The following DOCK4 variants were observed in gnomAD, a reference collection of about 807,000 sequenced individuals.
DOCK4 encodes dedicator of cytokinesis protein 4.
DOCK4 carries 97 observed loss-of-function variants against 268.1 expected under a neutral mutation model. The ratio of observed to expected loss-of-function variants is 0.36; its 90% confidence interval spans 0.31 to 0.43. The LOEUF (loss-of-function observed/expected upper bound fraction) is 0.43. Ranked by LOEUF, DOCK4 falls within the 20% of genes least tolerant of loss-of-function variation. The pLI is 1.00. For synonymous variants in DOCK4, 954 were observed against 887.2 expected (o/e 1.08, Z -1.34); for missense variants, 2,145 against 2,455.7 (o/e 0.87, Z 2.67).
chr7:111,858,538 T>A (rs1256179895), intron 23 of DOCK4, among the ~76,000 whole-genome samples: 2 of 150,632 alleles, frequency 1.3e-5, no homozygotes, highest in Non-Finnish European at 3.0e-5. Context: ...TAATGGAGAA[T>A]ATGCTCCCTC....
At chr7:111,835,664 A>G (rs1803181314) in intron 25 of DOCK4, among the ~76,000 whole-genome samples, 1 of 152,218 alleles carries the variant, frequency 6.6e-6, no homozygotes, top group African/African-American at 2.4e-5. Context: ...CTAACTGTAT[A>G]TTTACAGAAG....
chr7:111,786,821 T>C (rs1459649583), intron 32 of DOCK4, among the ~76,000 whole-genome samples: 1 of 152,256 alleles, frequency 6.6e-6, no homozygotes, highest in Non-Finnish European at 1.5e-5. Flanking sequence ...TATTGTTTCC[T>C]GAAATAAAGT....
At chr7:111,802,134 G>A (rs867549377) in intron 30 of DOCK4, among the ~76,000 whole-genome samples, 1 of 152,164 alleles carries the variant, frequency 6.6e-6, no homozygotes, top group African/African-American at 2.4e-5. Flanking sequence ...CCTTCCCTCA[G>A]TTATTTTTAT....
chr7:112,141,513 C>T (rs1462606650), intron 1 of DOCK4, among the ~76,000 whole-genome samples: 1 of 152,126 alleles, frequency 6.6e-6, no homozygotes, highest in African/African-American at 2.4e-5. Flanking sequence ...GAAGCAAACA[C>T]TGAGATTTCC....
At chr7:112,044,181 G>T (rs982164289) in intron 1 of DOCK4, among the ~76,000 whole-genome samples, 2 of 152,172 alleles carry the variant, frequency 1.3e-5, no homozygotes, top group African/African-American at 4.8e-5. Flanking sequence ...TAGGAAGTTT[G>T]TTCCAGAGTC....
intron 8 of DOCK4, among the ~76,000 whole-genome samples, chr7:111,964,089 A>C (rs1158169689): frequency 6.8e-6 from 1 of 148,118 alleles, no homozygotes; most frequent in African/African-American, 2.6e-5. Flanking sequence ...AAAGTAGATA[A>C]AACCACAAAG....
intron 8 of DOCK4, among the ~76,000 whole-genome samples, chr7:111,949,046 A>G (rs1488791287): frequency 6.6e-6 from 1 of 152,208 alleles, no homozygotes; most frequent in African/African-American, 2.4e-5. Context: ...TCTGTTTCTT[A>G]GTAATCAGTT....
At chr7:112,006,075 C>T (rs1800834826) in intron 1 of DOCK4, among the ~76,000 whole-genome samples, 1 of 152,158 alleles carries the variant, frequency 6.6e-6, no homozygotes, top group South Asian at 2.1e-4. Flanking sequence ...TGGTGTGATC[C>T]AAGTTTCATT....
chr7:112,059,201 G>A lies in DOCK4; in HGVS notation c.38-55070C>T, dbSNP rs144074236. On this transcript the variant is annotated intron_variant, in intron 1 of 52. Transcript: ENST00000428084. ...CTTGTCGCCCAGGCCAGAGTGCAGTGGCACGATCTCAGCTCACTACAACTT... is the reference window on the plus strand; with the variant it reads ...CTTGTCGCCCAGGCCAGAGTGCAGTAGCACGATCTCAGCTCACTACAACTT... Among the ~76,000 whole-genome samples the A allele has an allele frequency of 8.0e-4, 108 of 135,738 alleles. 3 individuals are homozygous for A. The East Asian group carries it at 0.017, about 22-fold the overall frequency. The allele number at this position is 135,738 out of a possible 152,430, so 89.0% of individuals were successfully genotyped here. A position where few individuals can be genotyped will look rare whatever the true frequency, so the allele number is the denominator to read the frequency against.
At chr7:112,079,604 G>A (rs973410138) in intron 1 of DOCK4, among the ~76,000 whole-genome samples, 1 of 152,174 alleles carries the variant, frequency 6.6e-6, no homozygotes, top group African/African-American at 2.4e-5. Context: ...TGTACTAAAA[G>A]AAATGGTAGA....
At chr7:111,924,267 G>GT (rs1312600190) in intron 12 of DOCK4, among the ~76,000 whole-genome samples, 1 of 152,010 alleles carries the variant, frequency 6.6e-6, no homozygotes, top group South Asian at 2.1e-4. Flanking sequence ...AGTGGGTGTT[G>GT]TTTTTTTCAC....
intron 1 of DOCK4, among the ~76,000 whole-genome samples, chr7:112,092,950 T>C (rs748859933): frequency 2.0e-5 from 3 of 152,136 alleles, no homozygotes; most frequent in African/African-American, 7.2e-5. Flanking sequence ...AATCTTTACC[T>C]GCCTAGTAAC....
intron 1 of DOCK4, among the ~76,000 whole-genome samples, chr7:112,130,737 A>C (rs1011842104): frequency 2.0e-5 from 3 of 152,248 alleles, no homozygotes; most frequent in Non-Finnish European, 2.9e-5. Context: ...GTGGGGAAAA[A>C]TAAAATGTAC....
chr7:112,087,503 A>C (rs1434838868), intron 1 of DOCK4, among the ~76,000 whole-genome samples: 3 of 152,162 alleles, frequency 2.0e-5, no homozygotes, highest in African/African-American at 7.2e-5. Context: ...AGATTCAATA[A>C]TGACAAAGCA....
intron 1 of DOCK4, among the ~76,000 whole-genome samples, chr7:112,012,730 T>A (rs1436611801): frequency 6.6e-6 from 1 of 152,212 alleles, no homozygotes; most frequent in Non-Finnish European, 1.5e-5. Flanking sequence ...TTATTTAAGA[T>A]TAAGAACTAA....
At chr7:112,153,806 T>A (rs1816329021) in intron 1 of DOCK4, among the ~76,000 whole-genome samples, 1 of 152,146 alleles carries the variant, frequency 6.6e-6, no homozygotes, top group Non-Finnish European at 1.5e-5. Flanking sequence ...CCAAGCCCAG[T>A]TATTGAATAA....
intron 49 of DOCK4, among the ~76,000 whole-genome samples, chr7:111,737,961 C>G (rs548439764): frequency 6.6e-6 from 1 of 152,344 alleles, no homozygotes; most frequent in Admixed American, 6.5e-5. Flanking sequence ...ATCACACAAT[C>G]AGCAAAGACA....
intron 8 of DOCK4, among the ~76,000 whole-genome samples, chr7:111,960,067 G>C (rs1178105032): frequency 1.3e-5 from 2 of 151,606 alleles, no homozygotes; most frequent in Non-Finnish European, 2.9e-5. Flanking sequence ...TATTTATTTA[G>C]AATTGATAAA....
chr7:111,946,382 C>T (rs1031132049), intron 8 of DOCK4, among the ~76,000 whole-genome samples: 3 of 152,140 alleles, frequency 2.0e-5, no homozygotes, highest in African/African-American at 4.8e-5. Flanking sequence ...CCACCGGGAG[C>T]TGCGGTGGCT....
Sources: allele counts gnomAD v4.1 joint callset (sites outside exome capture counted in the v4.1 genomes callset), GRCh38; gene constraint gnomAD v4.1.1; transcripts MANE v1.5; gene names NCBI Gene and HGNC (gene_info 2026-07-23, HGNC 2026-07-21).